The following PIGK variants were observed in gnomAD, a reference collection of about 807,000 sequenced individuals.
PIGK encodes phosphatidylinositol glycan anchor biosynthesis class K.
Under a neutral mutation model 50.6 loss-of-function variants are expected in PIGK, and 42 were observed. The ratio of observed to expected loss-of-function variants is 0.83; its 90% CI spans 0.65 to 1.07. The LOEUF (loss-of-function observed/expected upper bound fraction) is 1.07, where lower values mean the gene tolerates loss of function less well. PIGK is among the 50% of genes least tolerant of loss of function. The pLI is 0.00. For missense variants in PIGK, 448 were observed against 488.7 expected (o/e 0.92, Z 0.78); for synonymous variants, 151 against 156.0 (o/e 0.97, Z 0.24).
intron 9 of PIGK, among the ~76,000 whole-genome samples, chr1:77,131,083 C>T (rs976148114): frequency 2.0e-5 from 3 of 151,904 alleles, no homozygotes; most frequent in African/African-American, 7.2e-5. Context: ...TATAGGTGTT[C>T]CTTTATGATC....
intron 3 of PIGK, among the ~76,000 whole-genome samples, chr1:77,204,521 A>G (rs1656245636): frequency 6.6e-6 from 1 of 152,002 alleles, no homozygotes; most frequent in Admixed American, 6.6e-5. Flanking sequence ...CCCACACCCT[A>G]TTCGTACACC....
chr1:77,115,224 C>G (rs1174138619), intron 10 of PIGK, among the ~76,000 whole-genome samples: 1 of 151,988 alleles, frequency 6.6e-6, no homozygotes, highest in Admixed American at 6.6e-5. Context: ...ATTACAGAGC[C>G]CGGGACAACA....
intron 3 of PIGK, chr1:77,195,540 T>G: frequency 2.3e-6 from 1 of 441,830 alleles, no homozygotes; most frequent in Non-Finnish European, 4.0e-6. Flanking sequence ...CTTACAGAGA[T>G]TACAACTCAA....
intron 3 of PIGK, among the ~76,000 whole-genome samples, chr1:77,205,998 C>T (rs1402689236): frequency 6.6e-6 from 1 of 152,090 alleles, no homozygotes; most frequent in Non-Finnish European, 1.5e-5. Context: ...TGAACCTAGA[C>T]TTTACCAATA....
chr1:77,130,189 C>CTTTTTTTTTTTTTTTTTTTTTTTT (rs67252426), intron 9 of PIGK, among the ~76,000 whole-genome samples: 1 of 103,930 alleles, frequency 9.6e-6, no homozygotes, highest in South Asian at 3.3e-4. Context: ...TTTGCATTGT[C>CTTTTTTTTTTTTTTTTTTTTTTTT]TTTTTTTTTT....
chr1:77,194,318 G>A (rs1655979804), intron 3 of PIGK, among the ~76,000 whole-genome samples: 1 of 152,078 alleles, frequency 6.6e-6, no homozygotes, highest in South Asian at 2.1e-4. Context: ...CAATCCCACT[G>A]GGTACATATT....
chr1:77,217,246 A>T (rs952307730), intron 1 of PIGK, among the ~76,000 whole-genome samples: 2 of 152,240 alleles, frequency 1.3e-5, no homozygotes, highest in Non-Finnish European at 2.9e-5. Context: ...AAGGAAAGAC[A>T]CACAATATAA....
intron 9 of PIGK, among the ~76,000 whole-genome samples, chr1:77,137,659 C>T (rs1240837048): frequency 6.6e-6 from 1 of 152,028 alleles, no homozygotes; most frequent in East Asian, 1.9e-4. Context: ...AGTGCAATGG[C>T]ACAATCTTGG....
intron 10 of PIGK, among the ~76,000 whole-genome samples, chr1:77,109,850 A>G (rs1653795462): frequency 1.3e-5 from 2 of 152,222 alleles, no homozygotes; most frequent in African/African-American, 2.4e-5. Context: ...ATGATTGTAT[A>G]TCTAGAAAAC....
chr1:77,205,891 C>T (rs1430933510), intron 3 of PIGK, among the ~76,000 whole-genome samples: 2 of 152,084 alleles, frequency 1.3e-5, no homozygotes, highest in South Asian at 2.1e-4. Flanking sequence ...TCCCACTTTA[C>T]GAGTCTTCAT....
chr1:77,130,165 CTCTTT>C (rs1425502827), intron 9 of PIGK, among the ~76,000 whole-genome samples: 1 of 141,314 alleles, frequency 7.1e-6, no homozygotes, highest in African/African-American at 2.6e-5. Flanking sequence ...ACTTTTTCTT[CTCTTT>C]TAACTTTGTT....
chr1:77,166,807 C>T lies in PIGK; in HGVS notation c.399G>A (p.Arg133=). 1 of 1,589,884 alleles carries T rather than the reference C, an allele frequency of 6.3e-7. No homozygotes were observed. The highest frequency in any genetic ancestry group is 1.1e-5 in the South Asian group (1 of 87,752). ...TAGGTGGGATCCTCCCAGTTAATAC[C>T]CGTAAAAAATTCTCCACAGTTACCT... The part of the protein sequence containing the change: ...SYEVTVENFL[R]VLTGRIPPST... Residue 133 remains arginine, a synonymous_variant, in exon 5 of 11, where the codon CGG becomes CGA. Transcript: ENST00000370812.
intron 3 of PIGK, among the ~76,000 whole-genome samples, chr1:77,196,259 T>C (rs1352493981): frequency 6.6e-6 from 1 of 150,982 alleles, no homozygotes; most frequent in Non-Finnish European, 1.5e-5. Flanking sequence ...TTCTATGTCT[T>C]TGCTATTGTA....
chr1:77,161,663 C>T lies in PIGK; in HGVS notation c.633G>A (p.Met211Ile). 6.3e-7 allele frequency: 1 copy of T among 1,588,112 alleles called. No individual in the cohort carries two copies. Among genetic ancestry groups the T allele is most frequent in the Non-Finnish European group, 8.6e-7 (1 of 1,156,442 alleles). The change falls in exon 7 of 11, where the codon ATG becomes ATA. Residue 211 changes from methionine (M) to isoleucine (I), a missense_variant. Coordinates refer to ENST00000370812, the MANE Select transcript of PIGK (RefSeq NM_005482.3). ...TGTTAGGAGAATAAAATCGTTCATA[C>T]ATGGATGCTCCTTGGCAAGTATCAA... ...FIIDTCQGAS[M>I]YERFYSPNIM...
chr1:77,153,023 AG>A (rs1206815241), intron 9 of PIGK, among the ~76,000 whole-genome samples: 1 of 152,206 alleles, frequency 6.6e-6, no homozygotes, highest in Non-Finnish European at 1.5e-5. Flanking sequence ...CTACATATCC[AG>A]AAAAAAGGAA....
chr1:77,144,173 T>C (rs1654716009), intron 9 of PIGK, among the ~76,000 whole-genome samples: 1 of 152,002 alleles, frequency 6.6e-6, no homozygotes, highest in African/African-American at 2.4e-5. Context: ...TGTCAGATAG[T>C]AGACAATAAG....
chr1:77,199,565 T>C (rs1656114616), intron 3 of PIGK, among the ~76,000 whole-genome samples: 1 of 151,920 alleles, frequency 6.6e-6, no homozygotes, highest in African/African-American at 2.4e-5. Context: ...ATTATCAATA[T>C]ATTAAAATAA....
At chr1:77,112,496 G>A (rs535286935) in intron 10 of PIGK, among the ~76,000 whole-genome samples, 1 of 152,094 alleles carries the variant, frequency 6.6e-6, no homozygotes, top group Non-Finnish European at 1.5e-5. Context: ...GTGATGTTAA[G>A]ATAGGCATAT....
intron 3 of PIGK, 84 bp from the exon 4 acceptor site, chr1:77,169,479 G>A: frequency 3.6e-6 from 4 of 1,113,860 alleles, no homozygotes; most frequent in Non-Finnish European, 5.1e-6. Flanking sequence ...TGTAGCTACT[G>A]TGTTCATTTT....
Sources: gnomAD v4.1 joint callset for allele counts (sites outside exome capture counted in the v4.1 genomes callset) on GRCh38, gnomAD v4.1.1 for gene constraint, MANE v1.5 for transcripts, NCBI Gene and HGNC (gene_info 2026-07-23, HGNC 2026-07-21) for gene names.